The following INF2 variants were observed in gnomAD, a reference collection of about 807,000 sequenced individuals.
INF2 encodes inverted formin 2, also known as inverted formin-2.
Under a neutral mutation model 123.5 loss-of-function variants are expected in INF2, and 43 were observed. The ratio of observed to expected loss-of-function variants is 0.35; its 90% CI spans 0.27 to 0.45. INF2 has a LOEUF of 0.45. Ranked by LOEUF, INF2 falls within the 20% of genes least tolerant of loss-of-function variation. INF2 has a pLI of 1.00. For missense variants in INF2, 1,453 were observed against 1,682.7 expected (o/e 0.86, Z 2.39); for synonymous variants, 851 against 745.0 (o/e 1.14, Z -2.32).
At chr14:104,689,124 T>G, upstream of INF2, 1 of 845,614 alleles carries the variant, frequency 1.2e-6, no homozygotes, top group Non-Finnish European at 1.4e-6. Context: ...GGTGGCCTGG[T>G]TGATGGGTAG....
intron 1 of INF2, among the ~76,000 whole-genome samples, chr14:104,693,262 G>C (rs1368268863): frequency 6.6e-6 from 1 of 152,228 alleles, no homozygotes; most frequent in African/African-American, 2.4e-5. Flanking sequence ...CAAAGTGGGA[G>C]AGGTGGGGTG....
chr14:104,705,152 C>CA (rs1889721041), intron 5 of INF2, among the ~76,000 whole-genome samples: 2 of 152,186 alleles, frequency 1.3e-5, no homozygotes, highest in African/African-American at 2.4e-5. Context: ...CGCGGTGGCT[C>CA]ACGCCTGTAA....
chr14:104,689,711 C>T lies in INF2; in HGVS notation c.-38C>T. The stretch of plus-strand genomic sequence containing the variant: ...GGCCCCGGACGGAGCGCCGGCCGCA[C>T]CACCGCCCTCTGGCCGTTGCCTCAC... On this transcript the variant is annotated 5_prime_UTR_variant, in exon 1 of 23. Transcript: ENST00000392634. The T allele has an allele frequency of 1.0e-6, 1 of 985,012 alleles. No homozygotes were observed. Among genetic ancestry groups the T allele is most frequent in the Non-Finnish European group, 1.2e-6 (1 of 829,818 alleles). The allele number at this position is 985,012 out of a possible 1,614,324, so 61.0% of individuals were successfully genotyped here. A position where few individuals can be genotyped will look rare whatever the true frequency, so the allele number is the denominator to read the frequency against.
At position 104,710,356 on chromosome 14, in the gene INF2, CG is replaced by C. The variant is rs34003576; in HGVS notation, c.2239+170del. ...GGAAACCACCCTGCTGCCACCACCT[CG>C]GTGCACACACCTACTGGACGCACAG... On this transcript the variant is annotated intron_variant, in intron 13 of 22. Coordinates refer to ENST00000392634, the MANE Select transcript of INF2 (RefSeq NM_022489.4). Among the ~76,000 whole-genome samples the C allele has an allele frequency of 0.46, 70,622 of 151,914 alleles. 17,939 individuals are homozygous for C. The highest frequency in any genetic ancestry group is 0.9 in the East Asian group (4,626 of 5,150).
Position 104,718,935 on chromosome 14 carries a change from C to T in INF2, c.*142C>T. 1 of 1,456,842 alleles carries T rather than the reference C, an allele frequency of 6.9e-7. No individual in the cohort carries two copies. Among genetic ancestry groups the T allele is most frequent in the East Asian group, 2.5e-5 (1 of 40,572 alleles). 90.2% of individuals were successfully genotyped at this position (1,456,842 alleles called of 1,614,324 possible). ...ACTCCGTGCCTTACCCAGCCGGGGC[C>T]CTCCTGGAGCCTTCTTGGGGTGTTG... On this transcript the variant is annotated 3_prime_UTR_variant, in exon 23 of 23. Coordinates refer to ENST00000392634, the MANE Select transcript of INF2 (RefSeq NM_022489.4).
intron 8 of INF2, 129 bp from the exon 9 acceptor site, chr14:104,708,307 C>A: frequency 8.1e-7 from 1 of 1,230,148 alleles, no homozygotes; most frequent in Non-Finnish European, 1.1e-6. Context: ...CTGCTGTACG[C>A]TGGACCTGGA....
rs1889930943 is a variant in INF2 at position 104,709,322 on chromosome 14, C to A, written c.1991C>A (p.Thr664Asn). 2 of 1,613,156 alleles carry A rather than the reference C, an allele frequency of 1.2e-6. No individual in the cohort carries two copies. Among genetic ancestry groups the A allele is most frequent in the African/African-American group, 1.3e-5 (1 of 75,050 alleles). Residue 664 changes from threonine (T) to asparagine (N), a missense_variant, in exon 11 of 23, where the codon ACC becomes AAC. Around this residue, in one of 8 missense-constraint regions of INF2, gnomAD observed 192 missense variants for 274.4 expected, o/e 0.70. Coordinates refer to ENST00000392634, the MANE Select transcript of INF2 (RefSeq NM_022489.4). ...EVAAMIRAGDTTKFDVEVLKQ... is the reference protein window; with the variant it reads ...EVAAMIRAGDNTKFDVEVLKQ... ...GCTGCTATGATCCGGGCTGGAGATA[C>A]CACCAAGTTTGATGTGGAGGTTCTC...
rs1167078588 is a variant in INF2 at position 104,720,111 on chromosome 14, A to C, written c.*1318A>C. 6.5e-6 allele frequency: 1 copy of C among 153,474 alleles called. No homozygotes were observed. Among genetic ancestry groups the C allele is most frequent in the Non-Finnish European group, 1.4e-5 (1 of 69,024 alleles). 9.5% of individuals were successfully genotyped at this position (153,474 alleles called of 1,614,324 possible). ...CCAGCCCTGGCAGCCACTCACCTGC[A>C]CTCCAGACGCTCCAGATGTCATGCA... On this transcript the variant is annotated 3_prime_UTR_variant, in exon 23 of 23. Coordinates refer to ENST00000392634, the MANE Select transcript of INF2 (RefSeq NM_022489.4).
chr14:104,699,240 G>A lies in INF2; in HGVS notation c.-9-2117G>A, dbSNP rs1889352199. 3.9e-6 allele frequency: 1 copy of A among 258,664 alleles called. No individual in the cohort carries two copies. The highest frequency in any genetic ancestry group is 2.3e-5 in the African/African-American group (1 of 43,292). The allele number at this position is 258,664 out of a possible 1,614,324, so 16.0% of individuals were successfully genotyped here. ...GGAGAGGACACTCTGGATGCCAGGG[G>A]CCGGGCCTGGGAGAGTTCATAACTC... On this transcript the variant is annotated intron_variant, in intron 1 of 22. Transcript: ENST00000392634. The surrounding 1 kb of genome is among the most constrained non-coding windows in gnomAD (Gnocchi z 4.7).
chr14:104,702,881 G>A (rs1294089920), intron 2 of INF2, among the ~76,000 whole-genome samples: 1 of 152,254 alleles, frequency 6.6e-6, no homozygotes, highest in Non-Finnish European at 1.5e-5. Context: ...CTGCCTCCAA[G>A]CCCTTCCCTG....
exon 1 of INF2, chr14:104,681,365 C>T (rs757721775): frequency 3.6e-5 from 16 of 441,842 alleles, no homozygotes; most frequent in East Asian, 2.8e-4. Context: ...CAGAAAGCCA[C>T]GTGCAGGCTT....
chr14:104,708,164 G>A (rs1346677962), intron 8 of INF2, 162 bp downstream of exon 8: 4 of 1,188,454 alleles, frequency 3.4e-6, no homozygotes, highest in Non-Finnish European at 4.7e-6. Flanking sequence ...TGGTTGAGGT[G>A]GGGACGGGGG....
chr14:104,703,664 C>T (rs919483620), intron 4 of INF2, among the ~76,000 whole-genome samples: 4 of 152,220 alleles, frequency 2.6e-5, no homozygotes, highest in African/African-American at 9.6e-5. Context: ...GGACCGTTCT[C>T]ATTTGTGAGA....
At position 104,684,558 on chromosome 14, in the gene INF2, T is replaced by C. The variant is rs111394278; in HGVS notation, c.-104+2976T>C. On this transcript the variant is annotated intron_variant, in intron 1 of 2. Transcript: ENST00000674723. The surrounding 1 kb of genome is among the most constrained non-coding windows in gnomAD (Gnocchi z 5.0). Reference sequence around the variant, plus strand: ...ATGGTGGCAGAGAGGAGAAAAGCAGTTAGCTTTGGCAGGTGCCCACGGAGG... The same window carrying C: ...ATGGTGGCAGAGAGGAGAAAAGCAGCTAGCTTTGGCAGGTGCCCACGGAGG... 1,767 of 159,888 alleles carry C rather than the reference T, an allele frequency of 0.011. 33 individuals are homozygous for C. The highest frequency in any genetic ancestry group is 0.04 in the African/African-American group (1,667 of 41,636). 9.9% of individuals were successfully genotyped at this position (159,888 alleles called of 1,614,324 possible).
intron 11 of INF2, 101 bp from the exon 12 acceptor site, chr14:104,709,519 G>A: frequency 7.6e-7 from 1 of 1,316,004 alleles, no homozygotes; most frequent in Non-Finnish European, 1.1e-6. Context: ...GTGAGCCACA[G>A]GGAGCCATGA....
In INF2 at chr14:104,719,078, G is replaced by T. The variant is rs968538501; in HGVS notation, c.*285G>T. On this transcript the variant is annotated 3_prime_UTR_variant, in exon 23 of 23. Coordinates refer to ENST00000392634, the MANE Select transcript of INF2 (RefSeq NM_022489.4). ...GCAACCCTGGCCCACACCCGCATGC[G>T]CCCGGTGCAGCCTGCCAAGGGCCAG... The T allele has an allele frequency of 1.7e-5, 10 of 574,410 alleles. No individual in the cohort carries two copies. The highest frequency in any genetic ancestry group is 2.9e-5 in the Non-Finnish European group (10 of 347,220). The allele number at this position is 574,410 out of a possible 1,614,324, so 35.6% of individuals were successfully genotyped here. A position where few individuals can be genotyped will look rare whatever the true frequency, so the allele number is the denominator to read the frequency against.
intron 5 of INF2, chr14:104,704,291 G>C: frequency 2.4e-6 from 2 of 844,758 alleles, no homozygotes; most frequent in Non-Finnish European, 3.4e-6. Flanking sequence ...GGGAACTACA[G>C]GGTGGTTCAC....
intron 22 of INF2, 100 bp downstream of exon 22, chr14:104,715,440 C>T (rs1890254154): frequency 6.2e-6 from 7 of 1,126,582 alleles, no homozygotes; most frequent in Non-Finnish European, 9.4e-6. Context: ...AACCTGGCTT[C>T]TCTCCAGCCC....
chr14:104,704,331 G>A, intron 5 of INF2: 1 of 449,368 alleles, frequency 2.2e-6, no homozygotes. Flanking sequence ...AGGGACACGG[G>A]CTCCAGGGCG....
Sources: allele counts gnomAD v4.1 joint callset (sites outside exome capture counted in the v4.1 genomes callset), GRCh38; gene constraint gnomAD v4.1.1; regional missense constraint gnomAD v4.1.1; non-coding constraint Gnocchi (gnomAD v3.1); transcripts MANE v1.5; gene names NCBI Gene and HGNC (gene_info 2026-07-23, HGNC 2026-07-21).